Variants in NCKAP5L observed in about 807,000 individuals in gnomAD.
NCKAP5L encodes the protein nck-associated protein 5-like.
Under a neutral mutation model 103.2 loss-of-function variants are expected in NCKAP5L, and 54 were observed. The observed-to-expected ratio is 0.52, with a 90% CI of 0.42 to 0.66. The LOEUF (loss-of-function observed/expected upper bound fraction) is 0.66, where lower values mean the gene tolerates loss of function less well. Ranked by LOEUF, NCKAP5L falls within the 30% of genes least tolerant of loss-of-function variation. The pLI is 0.00. For missense variants in NCKAP5L, 1,733 were observed against 1,750.6 expected (o/e 0.99, Z 0.18); for synonymous variants, 762 against 748.6 (o/e 1.02, Z -0.29).
In NCKAP5L at chr12:49,804,205, G is replaced by A. The variant is rs181426550; in HGVS notation, c.-36-125C>T. ...CTGTAATAACTCAGGGCCAGGCTGG[G>A]TATCTCCTGGTCACGGTCACGGGGC... On this transcript the variant is annotated intron_variant, in intron 2 of 12. Transcript: ENST00000335999. The A allele has an allele frequency of 1.8e-4, 152 of 822,304 alleles. 2 individuals are homozygous for A. In the East Asian group the frequency reaches 4.2e-3, roughly 23 times the overall value. The allele number at this position is 822,304 out of a possible 1,614,324, so 50.9% of individuals were successfully genotyped here. A position where few individuals can be genotyped will look rare whatever the true frequency, so the allele number is the denominator to read the frequency against.
At chr12:49,816,866 C>T (rs1019180634) in intron 1 of NCKAP5L, among the ~76,000 whole-genome samples, 1 of 151,710 alleles carries the variant, frequency 6.6e-6, no homozygotes, top group African/African-American at 2.4e-5. Context: ...ATAGTACTAA[C>T]CTATTAATTC....
chr12:49,796,607 C>T lies in NCKAP5L; in HGVS notation c.1253G>A (p.Gly418Asp), dbSNP rs200914840. The T allele has an allele frequency of 1.6e-4, 259 of 1,600,614 alleles. 2 individuals are homozygous for T. The highest frequency in any genetic ancestry group is 2.2e-5 in the Non-Finnish European group (26 of 1,174,676). Residue 418 changes from glycine (G) to aspartate (D), a missense_variant, in exon 8 of 13, where the codon GGC (glycine) becomes GAC (aspartate). Transcript: ENST00000335999. ...GGAATGGGGGTGGCCAGGCCGAGAG[C>T]CCAGTGGGGCATCCCCAGCACCCAT... ...MFMGAGDAPL[G>D]SRPGHPHSSS...
intron 1 of NCKAP5L, among the ~76,000 whole-genome samples, chr12:49,806,604 A>C (rs1469419870): frequency 2.6e-5 from 4 of 152,368 alleles, no homozygotes; most frequent in South Asian, 4.1e-4. Flanking sequence ...GGGAGGAGGC[A>C]GGCTCTGGGG....
rs1169479514 is a variant in NCKAP5L at position 49,792,221 on chromosome 12, G to A, written c.3793-170C>T. ...CAGGCTGGAGGTACAACTGAGAACA[G>A]TCCTACAAGGTTCTGGGGAGGGACA... On this transcript the variant is annotated intron_variant, in intron 12 of 12. Coordinates refer to ENST00000335999, the MANE Select transcript of NCKAP5L (RefSeq NM_001037806.4). The surrounding 1 kb of genome is among the most constrained non-coding windows in gnomAD (Gnocchi z 4.5). 9.3e-7 allele frequency: 1 copy of A among 1,079,444 alleles called. No homozygotes were observed. The highest frequency in any genetic ancestry group is 2.6e-5 in the East Asian group (1 of 38,866). 66.9% of individuals were successfully genotyped at this position (1,079,444 alleles called of 1,614,324 possible). A position where few individuals can be genotyped will look rare whatever the true frequency, so the allele number is the denominator to read the frequency against.
At chr12:49,798,611 AC>A (rs1946086237) in intron 6 of NCKAP5L, 148 bp from the exon 7 acceptor site, 1 of 697,680 alleles carries the variant, frequency 1.4e-6, no homozygotes, top group Non-Finnish European at 2.5e-6. Flanking sequence ...CTGCTGCCCC[AC>A]CCACCGGTAA....
chr12:49,809,314 C>T (rs971162004), intron 1 of NCKAP5L, among the ~76,000 whole-genome samples: 1 of 152,168 alleles, frequency 6.6e-6, no homozygotes. Flanking sequence ...CCTCCCTGAA[C>T]AGAGACCAGG....
chr12:49,793,361 G>A lies in NCKAP5L; in HGVS notation c.3331C>T (p.His1111Tyr), dbSNP rs1328444919. The A allele has an allele frequency of 1.2e-6, 2 of 1,607,272 alleles. No individual in the cohort carries two copies. The highest frequency in any genetic ancestry group is 2.7e-5 in the African/African-American group (2 of 74,930). Reference protein sequence around the residue: ...DSLAEPVPTSHFTACGSLTRT... With the variant: ...DSLAEPVPTSYFTACGSLTRT... ...CCCTGACCCTGCTGACCTGTGAAGT[G>A]TGAGGTGGGCACTGGCTCGGCCAGG... is the stretch of plus-strand genomic sequence containing the variant. Residue 1111 changes from histidine (H) to tyrosine (Y), a missense_variant, in exon 10 of 13, where the codon CAC (histidine) becomes TAC (tyrosine). By Grantham distance (83) the His-to-Tyr change is moderately conservative. Coordinates refer to ENST00000335999, the MANE Select transcript of NCKAP5L (RefSeq NM_001037806.4).
chr12:49,801,366 C>T (rs2603102), intron 6 of NCKAP5L, among the ~76,000 whole-genome samples: 2,596 of 152,212 alleles, frequency 0.017, 87 homozygotes, highest in African/African-American at 0.058. Flanking sequence ...AGGAGTCACT[C>T]CCAATAGCCT....
intron 3 of NCKAP5L, 94 bp from the exon 4 acceptor site, chr12:49,803,259 C>T: frequency 1.6e-6 from 2 of 1,251,962 alleles, no homozygotes; most frequent in Non-Finnish European, 2.3e-6. Flanking sequence ...GAGGCAACTA[C>T]AGGGGTGCTA....
At chr12:49,810,322 G>A (rs998483751) in intron 1 of NCKAP5L, among the ~76,000 whole-genome samples, 11 of 152,214 alleles carry the variant, frequency 7.2e-5, no homozygotes, top group Admixed American at 2.0e-4. Context: ...GCCCAGCCGA[G>A]GGTACTGGAA....
chr12:49,796,295 C>A lies in NCKAP5L; in HGVS notation c.1565G>T (p.Ser522Ile), dbSNP rs1413486774. Residue 522 changes from serine to isoleucine, a missense_variant, in exon 8 of 13, where the codon AGC (serine) becomes ATC (isoleucine). Ser to Ile is a moderately radical substitution (Grantham distance 142, BLOSUM62 -2). Transcript: ENST00000335999. ...TGGGGTTGTGTAGCAGGGTGAAGGG[C>A]TGGTGGGCAGGCCTTGCGCCCCCTC... ...SPEGAQGLPT[S>I]PSPCYTTPDS... 2 of 1,546,332 alleles carry A rather than the reference C, an allele frequency of 1.3e-6. No homozygotes were observed. Among genetic ancestry groups the A allele is most frequent in the Non-Finnish European group, 1.7e-6 (2 of 1,145,636 alleles).
intron 1 of NCKAP5L, among the ~76,000 whole-genome samples, chr12:49,813,248 C>T (rs917805403): frequency 2.0e-5 from 3 of 152,080 alleles, no homozygotes; most frequent in Admixed American, 6.6e-5. Flanking sequence ...GCAGGTGTAC[C>T]ATTTTATAAT....
Position 49,792,582 on chromosome 12 carries a change from C to G in NCKAP5L, c.3656G>C (p.Cys1219Ser), listed in dbSNP as rs1443506013. 1.9e-6 allele frequency: 3 copies of G among 1,613,650 alleles called. No individual in the cohort carries two copies. Among genetic ancestry groups the G allele is most frequent in the African/African-American group, 1.3e-5 (1 of 74,878 alleles). ...AGGAGGGGTGGGGCCTGGGTCTTCA[C>G]AGGGATCTGTCCAGGAACAAAGGGA... Reference protein sequence around the residue: ...RGHETCPDDPCEDPGPTPPVQ... With the variant: ...RGHETCPDDPSEDPGPTPPVQ... The change falls in exon 12 of 13, where the codon TGT becomes TCT. Residue 1219 changes from cysteine (C) to serine (S), a missense_variant. By Grantham distance (112) the Cys-to-Ser change is moderately radical. Transcript: ENST00000335999. The surrounding 1 kb of genome is among the most constrained non-coding windows in gnomAD (Gnocchi z 4.5).
At chr12:49,821,842 C>T (rs1413196269) in intron 1 of NCKAP5L, among the ~76,000 whole-genome samples, 1 of 152,200 alleles carries the variant, frequency 6.6e-6, no homozygotes, top group African/African-American at 2.4e-5. Context: ...CCGGTTTGAC[C>T]TGAATCCTGG....
intron 1 of NCKAP5L, among the ~76,000 whole-genome samples, chr12:49,818,421 A>G (rs1300306877): frequency 6.6e-6 from 1 of 152,140 alleles, no homozygotes; most frequent in Non-Finnish European, 1.5e-5. Context: ...TGGTGCAATC[A>G]ATCATGGCTC....
rs764171553 is a variant in NCKAP5L at position 49,791,817 on chromosome 12, G to A, written c.*22C>T. ...AGTCTGTGGTCCCCAGCTCCAGCGGGGCCGTGGCGTGGCGCAGCCCCTCAG... is the reference window on the plus strand; with the variant it reads ...AGTCTGTGGTCCCCAGCTCCAGCGGAGCCGTGGCGTGGCGCAGCCCCTCAG... On this transcript the variant is annotated 3_prime_UTR_variant, in exon 13 of 13. Coordinates refer to ENST00000335999, the MANE Select transcript of NCKAP5L (RefSeq NM_001037806.4). 6.4e-6 allele frequency: 10 copies of A among 1,550,824 alleles called. No individual in the cohort carries two copies. The Admixed American group carries it at 1.7e-4, about 26-fold the overall frequency.
chr12:49,792,049 G>A lies in NCKAP5L; in HGVS notation c.3795C>T (p.Ala1265=), dbSNP rs780827540. The A allele has an allele frequency of 2.6e-6, 4 of 1,537,910 alleles. No individual in the cohort carries two copies. In the African/African-American group the frequency reaches 4.1e-5, roughly 16 times the overall value. The change falls in exon 13 of 13, where the codon GCC becomes GCT. Residue 1265 remains alanine (A), a splice_region_variant and synonymous_variant. Coordinates refer to ENST00000335999, the MANE Select transcript of NCKAP5L (RefSeq NM_001037806.4). The surrounding 1 kb of genome is among the most constrained non-coding windows in gnomAD (Gnocchi z 4.5). ...GGCTTCGCTTCCGGTCCACGGGCAG[G>A]GCCTGGGAAAGGAGGGGCAGCTCGG... ...QLEGLPRTPM[A]LPVDRKRSQE...
At chr12:49,816,495 CAAA>C (rs1163941989) in intron 1 of NCKAP5L, among the ~76,000 whole-genome samples, 12 of 49,434 alleles carry the variant, frequency 2.4e-4, no homozygotes, top group African/African-American at 8.4e-4. Context: ...TCAACCCTCT[CAAA>C]AAAAAAAAAA....
intron 1 of NCKAP5L, among the ~76,000 whole-genome samples, chr12:49,824,299 G>A (rs536664318): frequency 1.3e-5 from 2 of 152,286 alleles, no homozygotes; most frequent in South Asian, 4.1e-4. Context: ...TCAGCCCTCC[G>A]AACAGCCCCA....
Sources: allele counts gnomAD v4.1 joint callset (sites outside exome capture counted in the v4.1 genomes callset), GRCh38; gene constraint gnomAD v4.1.1; non-coding constraint Gnocchi (gnomAD v3.1); transcripts MANE v1.5; gene names NCBI Gene and HGNC (gene_info 2026-07-23, HGNC 2026-07-21).